TRAPPC10: variants seen among roughly 807,000 people sequenced by gnomAD.
The protein encoded by TRAPPC10 is TRAPP 130 kDa subunit.
A neutral mutation model predicts 125.5 loss-of-function variants in TRAPPC10; 23 were observed. The observed-to-expected ratio is 0.18, with a 90% confidence interval of 0.13 to 0.26. TRAPPC10 has a LOEUF of 0.26. TRAPPC10 is among the 10% of genes least tolerant of loss of function. TRAPPC10 has a pLI of 1.00. For synonymous variants in TRAPPC10, 509 were observed against 518.0 expected (o/e 0.98, Z 0.24); for missense variants, 1,123 against 1,308.4 (o/e 0.86, Z 2.19).
chr21:44,076,530 C>G (rs1388036624), intron 9 of TRAPPC10, 22 bp from the exon 10 acceptor site: 3 of 1,596,630 alleles, frequency 1.9e-6, no homozygotes, highest in Non-Finnish European at 2.6e-6. Flanking sequence ...TGAAGAGGGA[C>G]TCTCGTTTCT....
chr21:44,038,480 C>G (rs1037578959), intron 3 of TRAPPC10, among the ~76,000 whole-genome samples: 1 of 151,820 alleles, frequency 6.6e-6, no homozygotes, highest in Non-Finnish European at 1.5e-5. Flanking sequence ...TCCCTGTTGC[C>G]GTGCCTGGGC....
In TRAPPC10 at chr21:44,083,004, A is replaced by T; in HGVS notation, c.1940A>T (p.Lys647Met). The T allele has an allele frequency of 6.2e-7, 1 of 1,614,062 alleles. No individual in the cohort carries two copies. Among genetic ancestry groups the T allele is most frequent in the Non-Finnish European group, 8.5e-7 (1 of 1,180,022 alleles). The change falls in exon 14 of 23, where the codon AAG (lysine) becomes ATG (methionine). Residue 647 changes from lysine to methionine, a missense_variant. Physicochemically the swap from Lys to Met is moderately conservative, Grantham distance 95. Around this residue, in one of 4 missense-constraint regions of TRAPPC10, gnomAD observed 840 missense variants for 902.0 expected, o/e 0.93. Transcript: ENST00000291574. ...SYRKTAEWLT[K>M]HKTSNGIINF... Reference sequence around the variant, plus strand: ...CGGAAGACTGCGGAGTGGCTTACCAAGCACAAGACGTCCAATGGGATCATT... The same window carrying T: ...CGGAAGACTGCGGAGTGGCTTACCATGCACAAGACGTCCAATGGGATCATT...
At chr21:44,038,153 C>G (rs1439474225) in intron 3 of TRAPPC10, among the ~76,000 whole-genome samples, 2 of 152,156 alleles carry the variant, frequency 1.3e-5, no homozygotes, top group African/African-American at 4.8e-5. Flanking sequence ...TTCAAATTTA[C>G]TTTTTAACAT....
At chr21:44,076,128 G>A (rs2037263908) in intron 9 of TRAPPC10, among the ~76,000 whole-genome samples, 1 of 152,112 alleles carries the variant, frequency 6.6e-6, no homozygotes, top group Non-Finnish European at 1.5e-5. Context: ...AATATATGAT[G>A]AGTATTATTT....
At chr21:44,025,496 T>C (rs2032953289) in intron 1 of TRAPPC10, among the ~76,000 whole-genome samples, 1 of 152,222 alleles carries the variant, frequency 6.6e-6, no homozygotes, top group South Asian at 2.1e-4. Context: ...TTCAGATGCA[T>C]TTATCCAGTC....
intron 2 of TRAPPC10, among the ~76,000 whole-genome samples, chr21:44,035,236 C>A (rs1319099108): frequency 6.6e-6 from 1 of 152,202 alleles, no homozygotes; most frequent in Non-Finnish European, 1.5e-5. Flanking sequence ...CTGGCTCTTG[C>A]CCTGTCACCA....
At chr21:44,076,944 A>T (rs2037329003) in intron 10 of TRAPPC10, among the ~76,000 whole-genome samples, 1 of 152,208 alleles carries the variant, frequency 6.6e-6, no homozygotes, top group Non-Finnish European at 1.5e-5. Flanking sequence ...AGTAATTTGG[A>T]CTTGGGCAGA....
intron 10 of TRAPPC10, among the ~76,000 whole-genome samples, chr21:44,076,975 A>G (rs1226295133): frequency 2.0e-5 from 3 of 152,240 alleles, no homozygotes; most frequent in African/African-American, 7.2e-5. Context: ...TTGATTTTGA[A>G]AGACTTAAAT....
Position 44,059,210 on chromosome 21 carries a change from C to CG in TRAPPC10, c.790+1dup. 6.2e-7 allele frequency: 1 copy of CG among 1,604,136 alleles called. No homozygotes were observed. The highest frequency in any genetic ancestry group is 8.5e-7 in the Non-Finnish European group (1 of 1,175,918). On this transcript the variant is annotated frameshift_variant, in exon 6 of 23. Transcript: ENST00000291574. LOFTEE classifies it high-confidence loss of function. This position sits in a 1 kb window ranked among gnomAD's most constrained non-coding sequence, Gnocchi z 4.4. ...CTCAGTATGTGGTCAACTTCGGGGCCGGGGGTGAGTAGTGGCACTTCAGTA... is the reference window on the plus strand; with the variant it reads ...CTCAGTATGTGGTCAACTTCGGGGCCGGGGGGTGAGTAGTGGCACTTCAGTA...
At chr21:44,027,388 A>G (rs1261513545) in intron 1 of TRAPPC10, among the ~76,000 whole-genome samples, 2 of 152,208 alleles carry the variant, frequency 1.3e-5, no homozygotes, top group Non-Finnish European at 2.9e-5. Flanking sequence ...TCAGTAAAAA[A>G]CAGATGACAG....
chr21:44,046,888 A>G (rs1198615578), intron 3 of TRAPPC10: 1 of 815,358 alleles, frequency 1.2e-6, no homozygotes, highest in Non-Finnish European at 2.1e-6. Context: ...TGTTGTACAC[A>G]GCGGCAGTCG....
At chr21:44,046,935 G>C (rs1424143069) in intron 3 of TRAPPC10, 2 of 831,022 alleles carry the variant, frequency 2.4e-6, no homozygotes, top group East Asian at 5.5e-5. Context: ...CTACATTTCA[G>C]GTGTCGATGA....
rs754681411 is a variant in TRAPPC10 at position 44,087,708 on chromosome 21, C to T, written c.2549C>T (p.Ser850Phe). The change falls in exon 17 of 23, where the codon TCT becomes TTT. Residue 850 changes from serine (S) to phenylalanine (F), a missense_variant. By Grantham distance (155) the Ser-to-Phe change is radical. Transcript: ENST00000291574. This position sits in a 1 kb window ranked among gnomAD's most constrained non-coding sequence, Gnocchi z 4.6. ...VVYSNTREQS[S>F]EAALRIQSSD... ...TTTCTGTCCTTCGTAGAACAGTCTT[C>T]TGAGGCCGCGCTCCGGATTCAGTCC... 1.9e-6 allele frequency: 3 copies of T among 1,613,472 alleles called. No individual in the cohort carries two copies. Among genetic ancestry groups the T allele is most frequent in the Non-Finnish European group, 1.7e-6 (2 of 1,180,028 alleles).
At chr21:44,026,125 G>A (rs1207670075) in intron 1 of TRAPPC10, among the ~76,000 whole-genome samples, 1 of 151,936 alleles carries the variant, frequency 6.6e-6, no homozygotes, top group African/African-American at 2.4e-5. Context: ...TCATCTTAGG[G>A]GGTGACTAAA....
chr21:44,013,369 T>C (rs979348295), intron 1 of TRAPPC10, among the ~76,000 whole-genome samples: 1 of 152,248 alleles, frequency 6.6e-6, no homozygotes, highest in Admixed American at 6.5e-5. Flanking sequence ...TGTTTGTTGG[T>C]TGGCTTTTAG....
chr21:44,073,617 G>A (rs952825715), intron 7 of TRAPPC10, among the ~76,000 whole-genome samples: 1 of 152,170 alleles, frequency 6.6e-6, no homozygotes, highest in Non-Finnish European at 1.5e-5. Flanking sequence ...AACAGTTACA[G>A]TAGGCGCGGT....
chr21:44,081,005 C>CTTTTTTTTTTTTTTTTT (rs71326026), intron 13 of TRAPPC10, among the ~76,000 whole-genome samples: 4 of 103,868 alleles, frequency 3.9e-5, no homozygotes, highest in Admixed American at 1.0e-4. Context: ...TATTATTGTT[C>CTTTTTTTTTTTTTTTTT]TTTTTTTTTT....
chr21:44,012,433 C>G lies in TRAPPC10; in HGVS notation c.-61C>G. The G allele has an allele frequency of 9.1e-7, 1 of 1,101,808 alleles. No homozygotes were observed. The highest frequency in any genetic ancestry group is 1.1e-6 in the Non-Finnish European group (1 of 886,092). 68.3% of individuals were successfully genotyped at this position (1,101,808 alleles called of 1,614,324 possible). A position where few individuals can be genotyped will look rare whatever the true frequency, so the allele number is the denominator to read the frequency against. On this transcript the variant is annotated 5_prime_UTR_variant, in exon 1 of 23. Transcript: ENST00000291574. ...CTCAGGCTCGGGCTCCGGCTGGGCC[C>G]GGCGCGGCCTCGGGGCTGCCCATGG...
chr21:44,023,869 C>T (rs1412598871), intron 1 of TRAPPC10, among the ~76,000 whole-genome samples: 1 of 152,226 alleles, frequency 6.6e-6, no homozygotes, highest in Non-Finnish European at 1.5e-5. Flanking sequence ...ACCTCTGCCT[C>T]TCAGGTTCAA....
Sources: gnomAD v4.1 joint callset for allele counts (sites outside exome capture counted in the v4.1 genomes callset) on GRCh38, gnomAD v4.1.1 for gene constraint, gnomAD v4.1.1 regional missense constraint, Gnocchi (gnomAD v3.1) non-coding constraint, MANE v1.5 for transcripts, NCBI Gene and HGNC (gene_info 2026-07-23, HGNC 2026-07-21) for gene names.